Variants in LRRC74A observed in about 807,000 individuals in gnomAD.
The protein encoded by LRRC74A is leucine rich repeat containing 74A.
Under a neutral mutation model 57.9 loss-of-function variants are expected in LRRC74A, and 44 were observed. The observed-to-expected ratio is 0.76, with a 90% CI of 0.60 to 0.98. LRRC74A has a LOEUF of 0.98. Ranked by LOEUF, LRRC74A falls within the 50% of genes least tolerant of loss-of-function variation. LRRC74A has a pLI of 0.00. For synonymous variants in LRRC74A, 211 were observed against 219.4 expected, an observed-to-expected ratio of 0.96 and a Z score of 0.34; for missense variants, 572 against 574.0, an observed-to-expected ratio of 1.00 and a Z score of 0.04.
intron 13 of LRRC74A, among the ~76,000 whole-genome samples, chr14:76,868,442 C>G (rs1899131410): frequency 6.6e-6 from 1 of 152,198 alleles, no homozygotes; most frequent in Non-Finnish European, 1.5e-5. Context: ...GCACTTCAGC[C>G]TGGACGACAA....
rs1016307616 is a variant in LRRC74A at position 76,860,980 on chromosome 14, C to G, written c.1200+141C>G. The G allele has an allele frequency of 1.2e-5, 9 of 770,726 alleles. No individual in the cohort carries two copies. The African/African-American group carries it at 1.6e-4, about 14-fold the overall frequency. The allele number at this position is 770,726 out of a possible 1,614,324, so 47.7% of individuals were successfully genotyped here. ...ATAAGGAATGTCTCAGTCCCTTGGACAGCAGACATGGAATGAATATTCTCC... is the reference window on the plus strand; with the variant it reads ...ATAAGGAATGTCTCAGTCCCTTGGAGAGCAGACATGGAATGAATATTCTCC... On this transcript the variant is annotated intron_variant, in intron 11 of 13. Transcript: ENST00000689127.
At chr14:76,863,026 C>T (rs1184967633) in intron 11 of LRRC74A, among the ~76,000 whole-genome samples, 2 of 151,964 alleles carry the variant, frequency 1.3e-5, no homozygotes, top group East Asian at 3.9e-4. Context: ...GAGTAGGAAA[C>T]CAAACAAGCA....
At chr14:76,851,496 T>C (rs75195058) in intron 7 of LRRC74A, among the ~76,000 whole-genome samples, 2 of 152,226 alleles carry the variant, frequency 1.3e-5, no homozygotes, top group East Asian at 1.9e-4. Context: ...TAGCTGGGAC[T>C]ACAGGTGTGT....
At chr14:76,867,579 C>T (rs954828302) in intron 13 of LRRC74A, 141 bp downstream of exon 13, 5 of 584,604 alleles carry the variant, frequency 8.6e-6, no homozygotes, top group Non-Finnish European at 6.2e-6. Flanking sequence ...CAAGTCTGGG[C>T]CCCACTGTCT....
chr14:76,857,965 G>A (rs1043979423), intron 10 of LRRC74A, among the ~76,000 whole-genome samples: 2 of 152,306 alleles, frequency 1.3e-5, no homozygotes, highest in East Asian at 1.9e-4. Context: ...GCCCCAGGAG[G>A]TGACTTCAGA....
rs996686574 is a variant in LRRC74A, at chr14:76,857,539, C to T, written c.1053+64C>T. ...AGCCAGTGACCCTGTCCACTCTATA[C>T]TCTGTGTTGGCCAGAGCCAACAGCT... On this transcript the variant is annotated intron_variant, in intron 10 of 13. Coordinates refer to ENST00000689127, the MANE Select transcript of LRRC74A (RefSeq NM_001385106.1). 207 of 1,222,600 alleles carry T rather than the reference C, an allele frequency of 1.7e-4. 1 individual carries two copies. The highest frequency in any genetic ancestry group is 2.4e-4 in the Non-Finnish European group (203 of 850,916). 75.7% of individuals were successfully genotyped at this position (1,222,600 alleles called of 1,614,324 possible).
chr14:76,833,919 G>A (rs1333180569), intron 3 of LRRC74A, among the ~76,000 whole-genome samples: 1 of 152,094 alleles, frequency 6.6e-6, no homozygotes, highest in Non-Finnish European at 1.5e-5. Flanking sequence ...ATTTACCAGC[G>A]GTCTTGATGT....
intron 12 of LRRC74A, among the ~76,000 whole-genome samples, chr14:76,866,964 GTGTGTGTGTGTT>G (rs1252251440): frequency 7.2e-4 from 3 of 4,154 alleles, no homozygotes; most frequent in African/African-American, 8.6e-4. Flanking sequence ...GTGTGTGTGT[GTGTGTGTGTGTT>G]GGGGGGGTGG....
chr14:76,844,319 TGTTC>T, intron 5 of LRRC74A, 100 bp from the exon 6 acceptor site: 1 of 1,097,452 alleles, frequency 9.1e-7, no homozygotes, highest in Non-Finnish European at 1.4e-6. Flanking sequence ...ACCTTTTTTC[TGTTC>T]GATTGTTCTA....
intron 11 of LRRC74A, among the ~76,000 whole-genome samples, chr14:76,861,636 G>A (rs758864714): frequency 3.3e-5 from 5 of 152,244 alleles, no homozygotes; most frequent in Non-Finnish European, 7.3e-5. Flanking sequence ...GGAGGCAGAT[G>A]TAACAGTGGA....
At chr14:76,865,216 T>C (rs1157356213) in intron 11 of LRRC74A, among the ~76,000 whole-genome samples, 2 of 152,188 alleles carry the variant, frequency 1.3e-5, no homozygotes, top group African/African-American at 4.8e-5. Flanking sequence ...TTTTTTTCAA[T>C]AAATACAGTC....
intron 10 of LRRC74A, among the ~76,000 whole-genome samples, chr14:76,859,534 C>CA (rs562270049): frequency 0.4 from 36,465 of 91,058 alleles, 5,649 homozygotes; most frequent in Middle Eastern, 0.45. Context: ...AACTCCATCT[C>CA]AAAAAAAAAA....
chr14:76,828,919 G>A, intron 2 of LRRC74A: 1 of 672,388 alleles, frequency 1.5e-6, no homozygotes, highest in South Asian at 6.6e-5. Context: ...GGCCCCTGGA[G>A]TGTTTCTGTG....
At chr14:76,864,863 A>T (rs546062198) in intron 11 of LRRC74A, among the ~76,000 whole-genome samples, 1 of 152,226 alleles carries the variant, frequency 6.6e-6, no homozygotes, top group Non-Finnish European at 1.5e-5. Context: ...CAAAATAAAA[A>T]AAAAGAGAGG....
At chr14:76,866,116 G>T (rs774016479) in intron 12 of LRRC74A, 41 bp downstream of exon 12, 7 of 1,388,572 alleles carry the variant, frequency 5.0e-6, no homozygotes, top group South Asian at 1.2e-5. Context: ...GTGTGAGTGT[G>T]AGTGTGAGTT....
chr14:76,829,050 T>C, intron 2 of LRRC74A: 3 of 1,289,432 alleles, frequency 2.3e-6, no homozygotes, highest in South Asian at 2.5e-5. Flanking sequence ...ACAAAGACTC[T>C]GTTAATGCAA....
chr14:76,836,419 C>A, intron 4 of LRRC74A, 105 bp downstream of exon 4: 1 of 672,166 alleles, frequency 1.5e-6, no homozygotes, highest in South Asian at 2.1e-5. Flanking sequence ...CTCCAGGCTC[C>A]TGCCCGCCCC....
intron 5 of LRRC74A, among the ~76,000 whole-genome samples, chr14:76,844,188 A>C (rs1896964223): frequency 6.6e-6 from 1 of 152,160 alleles, no homozygotes; most frequent in South Asian, 2.1e-4. Context: ...TTCTTTGTAG[A>C]GACAAGGGCT....
At chr14:76,857,884 T>G (rs1595389482) in intron 10 of LRRC74A, among the ~76,000 whole-genome samples, 1 of 152,188 alleles carries the variant, frequency 6.6e-6, no homozygotes, top group Non-Finnish European at 1.5e-5. Context: ...TACTTTATTT[T>G]CATTTCATGA....
Sources: allele counts gnomAD v4.1 joint callset (sites outside exome capture counted in the v4.1 genomes callset), GRCh38; gene constraint gnomAD v4.1.1; transcripts MANE v1.5; gene names NCBI Gene and HGNC (gene_info 2026-07-23, HGNC 2026-07-21).